The following F2R variants were observed in gnomAD, a reference collection of about 807,000 sequenced individuals.
F2R encodes the protein coagulation factor II thrombin receptor, also known as proteinase-activated receptor 1.
A neutral mutation model predicts 18.3 loss-of-function variants in F2R; 12 were observed. The ratio of observed to expected loss-of-function variants is 0.66; its 90% confidence interval spans 0.42 to 1.06. The LOEUF is 1.06. Among genes scored for constraint, F2R ranks in the 50% least tolerant of loss-of-function variants. The probability of loss-of-function intolerance (pLI) is 0.00; values close to 1 mark genes in which losing one functional copy is unlikely to be tolerated. For synonymous variants in F2R, 210 were observed against 219.9 expected, an observed-to-expected ratio of 0.95 and a Z score of 0.40; for missense variants, 438 against 530.8, an observed-to-expected ratio of 0.83 and a Z score of 1.72.
chr5:76,733,844 G>T lies in F2R; in HGVS notation c.*341G>T. 5.0e-6 allele frequency: 1 copy of T among 200,108 alleles called. No individual in the cohort carries two copies. Among genetic ancestry groups the T allele is most frequent in the Non-Finnish European group, 1.0e-5 (1 of 97,970 alleles). 12.4% of individuals were successfully genotyped at this position (200,108 alleles called of 1,614,324 possible). On this transcript the variant is annotated 3_prime_UTR_variant, in exon 2 of 2. Coordinates refer to ENST00000319211, the MANE Select transcript of F2R (RefSeq NM_001992.5). ...ATTATTTGCAGTGCAGTATAGAATA[G>T]GCACTTTAAAACACTCTTTCCCCGC...
At chr5:76,727,336 A>C (rs1748581048) in intron 1 of F2R, among the ~76,000 whole-genome samples, 5 of 152,238 alleles carry the variant, frequency 3.3e-5, no homozygotes, top group Non-Finnish European at 1.5e-5. Flanking sequence ...AATTCAGAGA[A>C]GTTAAGTGAT....
At chr5:76,724,994 C>T (rs1424158419) in intron 1 of F2R, among the ~76,000 whole-genome samples, 2 of 152,276 alleles carry the variant, frequency 1.3e-5, no homozygotes, top group East Asian at 3.9e-4. Context: ...TTCTCTTTAG[C>T]CTGTAGTGTT....
At chr5:76,724,920 A>G (rs1259896464) in intron 1 of F2R, among the ~76,000 whole-genome samples, 1 of 152,200 alleles carries the variant, frequency 6.6e-6, no homozygotes, top group Non-Finnish European at 1.5e-5. Context: ...CATTCCAGTA[A>G]TGCTGGTGTT....
At chr5:76,717,470 A>C (rs981047336) in intron 1 of F2R, among the ~76,000 whole-genome samples, 1 of 152,206 alleles carries the variant, frequency 6.6e-6, no homozygotes, top group African/African-American at 2.4e-5. Flanking sequence ...CTCAAAAAAA[A>C]GTGTAGACAC....
intron 1 of F2R, among the ~76,000 whole-genome samples, chr5:76,723,056 G>A (rs949847210): frequency 2.0e-5 from 3 of 152,058 alleles, no homozygotes; most frequent in African/African-American, 7.2e-5. Context: ...GTGTTTTAAA[G>A]ATGTATTTTT....
At chr5:76,716,430 A>C in intron 1 of F2R, 35 bp downstream of exon 1, 2 of 1,386,388 alleles carry the variant, frequency 1.4e-6, no homozygotes, top group Admixed American at 3.2e-5. Flanking sequence ...GCGCGGGCGG[A>C]GGGACGCCGA....
intron 1 of F2R, among the ~76,000 whole-genome samples, chr5:76,727,771 T>C (rs1260214522): frequency 6.6e-6 from 1 of 151,882 alleles, no homozygotes; most frequent in African/African-American, 2.4e-5. Flanking sequence ...TTCTTTTTTT[T>C]TTTTTTTGCA....
At chr5:76,723,434 A>G (rs545158895) in intron 1 of F2R, among the ~76,000 whole-genome samples, 175 of 152,346 alleles carry the variant, frequency 1.1e-3, no homozygotes, top group African/African-American at 4.1e-3. Flanking sequence ...ACTTTGGATT[A>G]GTTACTTAGC....
rs1748720143 is a variant in F2R at position 76,733,426 on chromosome 5, G to C, written c.1201G>C (p.Gly401Arg). The C allele has an allele frequency of 1.4e-5, 22 of 1,613,992 alleles. No homozygotes were observed. The highest frequency in any genetic ancestry group is 1.9e-5 in the Non-Finnish European group (22 of 1,180,038). ...SSDPSSYNSS[G>R]QLMASKMDTC... ...CGATCCCAGCAGTTATAACAGCAGT[G>C]GGCAGTTGATGGCAAGTAAAATGGA... The change falls in exon 2 of 2, where the codon GGG becomes CGG. Residue 401 changes from glycine to arginine, a missense_variant. Gly to Arg is a moderately radical substitution (Grantham distance 125). Coordinates refer to ENST00000319211, the MANE Select transcript of F2R (RefSeq NM_001992.5).
In F2R at chr5:76,735,501, AAAAT is replaced by A. The variant is rs1412375705; in HGVS notation, c.*2002_*2005del. 1 of 152,130 alleles carries A rather than the reference AAAAT, an allele frequency of 6.6e-6. No individual in the cohort carries two copies. Among genetic ancestry groups the A allele is most frequent in the Admixed American group, 6.5e-5 (1 of 15,272 alleles). The allele number at this position is 152,130 out of a possible 1,614,324, so 9.4% of individuals were successfully genotyped here. On this transcript the variant is annotated 3_prime_UTR_variant, in exon 2 of 2. Coordinates refer to ENST00000319211, the MANE Select transcript of F2R (RefSeq NM_001992.5). ...AAAATAAAAATAAATAAAAAATAAA[AAAAT>A]AAAAGAGCAAACTATTTCCAAATAC...
In F2R at chr5:76,735,069, T is replaced by A. The variant is rs1488150312; in HGVS notation, c.*1566T>A. On this transcript the variant is annotated 3_prime_UTR_variant, in exon 2 of 2. Transcript: ENST00000319211. ...CCTCCTAAGTATCAAGTATAGAAAA[T>A]CTTCATGGAATTCACAAAGTAATTT... is the stretch of plus-strand genomic sequence containing the variant. 1 of 152,308 alleles carries A rather than the reference T, an allele frequency of 6.6e-6. No individual in the cohort carries two copies. The highest frequency in any genetic ancestry group is 1.9e-4 in the East Asian group (1 of 5,338). The allele number at this position is 152,308 out of a possible 1,614,324, so 9.4% of individuals were successfully genotyped here.
chr5:76,728,889 C>A (rs890026644), intron 1 of F2R, among the ~76,000 whole-genome samples: 2 of 152,106 alleles, frequency 1.3e-5, no homozygotes, highest in Non-Finnish European at 2.9e-5. Flanking sequence ...CAGGGTTTTG[C>A]CATGTTGGCC....
chr5:76,720,213 C>T (rs189781626), intron 1 of F2R, among the ~76,000 whole-genome samples: 2 of 151,956 alleles, frequency 1.3e-5, no homozygotes, highest in African/African-American at 4.8e-5. Flanking sequence ...ACTTTGGGAA[C>T]CCTAGGCCAG....
chr5:76,731,133 G>A (rs1748660388), intron 1 of F2R, among the ~76,000 whole-genome samples: 1 of 152,190 alleles, frequency 6.6e-6, no homozygotes. Context: ...TGAGATGATG[G>A]GTACCTTGTG....
At chr5:76,731,369 G>A (rs906922685) in intron 1 of F2R, among the ~76,000 whole-genome samples, 3 of 151,886 alleles carry the variant, frequency 2.0e-5, no homozygotes, top group Admixed American at 6.5e-5. Context: ...AGCTACTCAC[G>A]AGGCTGAGGC....
intron 1 of F2R, among the ~76,000 whole-genome samples, chr5:76,726,126 A>G (rs1748549037): frequency 6.6e-6 from 1 of 152,206 alleles, no homozygotes; most frequent in South Asian, 2.1e-4. Context: ...GCAGTGGCTT[A>G]TGCCTGTAAT....
In F2R at chr5:76,733,397, G is replaced by A. The variant is rs778814178; in HGVS notation, c.1172G>A (p.Ser391Asn). The A allele has an allele frequency of 6.8e-6, 11 of 1,614,170 alleles. No homozygotes were observed. The South Asian group carries it at 1.1e-4, about 16-fold the overall frequency. The change falls in exon 2 of 2, where the codon AGT becomes AAT. Residue 391 changes from serine to asparagine, a missense_variant. Ser to Asn is a conservative substitution (Grantham distance 46). Coordinates refer to ENST00000319211, the MANE Select transcript of F2R (RefSeq NM_001992.5). ...YVYSILCCKE[S>N]SDPSSYNSSG... The stretch of plus-strand genomic sequence containing the variant: ...TACAGTATCTTATGCTGCAAAGAAA[G>A]TTCCGATCCCAGCAGTTATAACAGC...
intron 1 of F2R, among the ~76,000 whole-genome samples, chr5:76,726,835 C>T (rs892358179): frequency 1.3e-5 from 2 of 152,172 alleles, no homozygotes; most frequent in African/African-American, 4.8e-5. Flanking sequence ...TCATTCTTTT[C>T]TTTCAGCACC....
rs1302701350 is a variant in F2R at position 76,716,129 on chromosome 5, C to T, written c.-179C>T. On this transcript the variant is annotated 5_prime_UTR_variant, in exon 1 of 2. Transcript: ENST00000319211. The stretch of plus-strand genomic sequence containing the variant: ...CCCAGTCCCGCCCCGCCCCGCTAAC[C>T]GCCCCAGACACAGCGCTCGCCGAGG... 9.0e-6 allele frequency: 4 copies of T among 444,140 alleles called. No individual in the cohort carries two copies. Among genetic ancestry groups the T allele is most frequent in the Non-Finnish European group, 1.1e-5 (3 of 267,376 alleles). 27.5% of individuals were successfully genotyped at this position (444,140 alleles called of 1,614,324 possible).
Sources: gnomAD v4.1 joint callset for allele counts (sites outside exome capture counted in the v4.1 genomes callset) on GRCh38, gnomAD v4.1.1 for gene constraint, MANE v1.5 for transcripts, NCBI Gene and HGNC (gene_info 2026-07-23, HGNC 2026-07-21) for gene names.